Variants in RNF111 observed in about 807,000 individuals in gnomAD.
RNF111 encodes ring finger protein 111, also known as E3 ubiquitin-protein ligase Arkadia.
RNF111 carries 17 observed loss-of-function variants against 95.1 expected under a neutral mutation model. The observed-to-expected ratio is 0.18, with a 90% CI of 0.12 to 0.27. The LOEUF is 0.27. RNF111 is among the 10% of genes least tolerant of loss of function. The pLI is 1.00. For synonymous variants in RNF111, 440 were observed against 414.8 expected, an observed-to-expected ratio of 1.06 and a Z score of -0.74; for missense variants, 1,189 against 1,210.4, an observed-to-expected ratio of 0.98 and a Z score of 0.26.
chr15:59,030,327 A>G (rs1216626337), intron 1 of RNF111, among the ~76,000 whole-genome samples: 1 of 152,194 alleles, frequency 6.6e-6, no homozygotes, highest in Non-Finnish European at 1.5e-5. Flanking sequence ...ATTATTAATA[A>G]TATCAATCTA....
chr15:59,057,644 G>C (rs924118109), intron 4 of RNF111, among the ~76,000 whole-genome samples: 16 of 152,128 alleles, frequency 1.1e-4, no homozygotes, highest in Non-Finnish European at 2.4e-4. Context: ...ATAGAAAAAT[G>C]TTAATTTTTA....
At chr15:59,071,563 C>T (rs771867835) in intron 6 of RNF111, among the ~76,000 whole-genome samples, 8 of 151,528 alleles carry the variant, frequency 5.3e-5, no homozygotes, top group Admixed American at 1.3e-4. Context: ...CGTGGGGTCT[C>T]GTGCCTTTAG....
At chr15:59,029,290 C>A (rs1221927633) in intron 1 of RNF111, among the ~76,000 whole-genome samples, 1 of 152,104 alleles carries the variant, frequency 6.6e-6, no homozygotes. Flanking sequence ...ATTGTGACTT[C>A]TGTGTTCTTG....
chr15:59,088,601 A>G (rs1437937392), intron 10 of RNF111, among the ~76,000 whole-genome samples: 1 of 152,216 alleles, frequency 6.6e-6, no homozygotes, highest in East Asian at 1.9e-4. Flanking sequence ...AGATGGAAGA[A>G]TGGTGCTGTA....
Position 59,095,724 on chromosome 15 carries a change from T to A in RNF111, c.*824T>A. Reference sequence around the variant, plus strand: ...TTTCAATTAGCTAGATTGTACATACTTGCAGATTTAACAAAATTTTAGGGA... The same window carrying A: ...TTTCAATTAGCTAGATTGTACATACATGCAGATTTAACAAAATTTTAGGGA... On this transcript the variant is annotated 3_prime_UTR_variant, in exon 14 of 14. Transcript: ENST00000348370. 3.2e-6 allele frequency: 1 copy of A among 309,718 alleles called. No homozygotes were observed. The allele number at this position is 309,718 out of a possible 1,614,324, so 19.2% of individuals were successfully genotyped here.
chr15:59,058,187 C>T (rs1403593965), intron 4 of RNF111, among the ~76,000 whole-genome samples, 169 bp from the exon 5 acceptor site: 18 of 151,976 alleles, frequency 1.2e-4, no homozygotes, highest in African/African-American at 3.6e-4. Flanking sequence ...CACGTCTGTT[C>T]GATATTGCAG....
chr15:59,038,808 G>C (rs1242227131), intron 2 of RNF111, among the ~76,000 whole-genome samples: 12 of 152,110 alleles, frequency 7.9e-5, no homozygotes, highest in African/African-American at 2.9e-4. Context: ...TGATGATACT[G>C]TGTGCTTTCT....
At chr15:59,068,943 G>A (rs532868882) in intron 6 of RNF111, among the ~76,000 whole-genome samples, 3 of 151,950 alleles carry the variant, frequency 2.0e-5, no homozygotes, top group Admixed American at 6.6e-5. Context: ...GGTCTGTGGC[G>A]CGTGCCTGTA....
intron 1 of RNF111, among the ~76,000 whole-genome samples, chr15:59,007,109 C>A (rs1327847268): frequency 6.6e-6 from 1 of 152,122 alleles, no homozygotes; most frequent in Non-Finnish European, 1.5e-5. Context: ...GTGAAATGCA[C>A]AAATCTTAAG....
chr15:59,079,991 A>G (rs1014994074), intron 7 of RNF111, among the ~76,000 whole-genome samples: 9 of 152,180 alleles, frequency 5.9e-5, no homozygotes, highest in Non-Finnish European at 2.9e-5. Context: ...TAGGCTAAGC[A>G]TGTAAATAGA....
At chr15:59,030,704 C>A in intron 1 of RNF111, 100 bp from the exon 2 acceptor site, 1 of 790,524 alleles carries the variant, frequency 1.3e-6, no homozygotes, top group Non-Finnish European at 1.9e-6. Flanking sequence ...ACAGTTCTGC[C>A]TTTATAAGGG....
chr15:59,081,121 C>T lies in RNF111; in HGVS notation c.2134C>T (p.His712Tyr), dbSNP rs1324926494. 1 of 1,614,120 alleles carries T rather than the reference C, an allele frequency of 6.2e-7. No homozygotes were observed. The highest frequency in any genetic ancestry group is 1.7e-5 in the Admixed American group (1 of 60,016). Residue 712 changes from histidine (H) to tyrosine (Y), a missense_variant, in exon 8 of 14, where the codon CAC (histidine) becomes TAC (tyrosine). Around this residue, in one of 2 missense-constraint regions of RNF111, gnomAD observed 1,024 missense variants for 925.9 expected, o/e 1.11. Coordinates refer to ENST00000348370, the MANE Select transcript of RNF111 (RefSeq NM_017610.8). The stretch of plus-strand genomic sequence containing the variant: ...TCCTGTGGCACCCCCACCACCAACT[C>T]ACTTAGCCAGTACAGCTGCACCAAT... ...SHPVAPPPPT[H>Y]LASTAAPIPQ...
intron 2 of RNF111, among the ~76,000 whole-genome samples, chr15:59,045,102 T>C (rs979555922): frequency 3.5e-4 from 53 of 152,294 alleles, no homozygotes; most frequent in African/African-American, 1.2e-3. Flanking sequence ...TCATTTATCA[T>C]TGAGGTTTCA....
chr15:59,093,854 A>G (rs2079125530), intron 13 of RNF111, among the ~76,000 whole-genome samples: 1 of 152,142 alleles, frequency 6.6e-6, no homozygotes, highest in Non-Finnish European at 1.5e-5. Context: ...TGTATTTCTA[A>G]TGAAGGTTTA....
At chr15:59,089,294 G>C (rs1200172619) in intron 10 of RNF111, among the ~76,000 whole-genome samples, 1 of 152,162 alleles carries the variant, frequency 6.6e-6, no homozygotes, top group East Asian at 1.9e-4. Flanking sequence ...TTGGCTGTTA[G>C]GAAGCTTAAC....
rs2079177344 is a variant in RNF111 at position 59,096,394 on chromosome 15, A to C, written c.*1494A>C. 1 of 262,838 alleles carries C rather than the reference A, an allele frequency of 3.8e-6. No individual in the cohort carries two copies. Among genetic ancestry groups the C allele is most frequent in the East Asian group, 6.8e-5 (1 of 14,602 alleles). 16.3% of individuals were successfully genotyped at this position (262,838 alleles called of 1,614,324 possible). A position where few individuals can be genotyped will look rare whatever the true frequency, so the allele number is the denominator to read the frequency against. On this transcript the variant is annotated 3_prime_UTR_variant, in exon 14 of 14. Coordinates refer to ENST00000348370, the MANE Select transcript of RNF111 (RefSeq NM_017610.8). ...CTTGCATTAAGCCACCTGCTTTGTA[A>C]GTGGATTGATTAATAAATAACTTAT...
chr15:59,090,387 G>A (rs1226343696), intron 11 of RNF111, among the ~76,000 whole-genome samples: 2 of 152,030 alleles, frequency 1.3e-5, no homozygotes, highest in Non-Finnish European at 2.9e-5. Context: ...CCGCCACCAC[G>A]CCCGGCTAAT....
chr15:59,028,264 C>A (rs1212916555), intron 1 of RNF111, among the ~76,000 whole-genome samples: 1 of 152,128 alleles, frequency 6.6e-6, no homozygotes, highest in Non-Finnish European at 1.5e-5. Context: ...TGACTGGTTT[C>A]TTTTACTTAG....
At chr15:59,014,794 T>C (rs1421806895) in intron 1 of RNF111, among the ~76,000 whole-genome samples, 2 of 151,898 alleles carry the variant, frequency 1.3e-5, no homozygotes, top group Non-Finnish European at 1.5e-5. Context: ...TCTTCCTCTA[T>C]GGACCACCTG....
Sources: allele counts gnomAD v4.1 joint callset (sites outside exome capture counted in the v4.1 genomes callset), GRCh38; gene constraint gnomAD v4.1.1; regional missense constraint gnomAD v4.1.1; transcripts MANE v1.5; gene names NCBI Gene and HGNC (gene_info 2026-07-23, HGNC 2026-07-21).